COX10: variants seen among roughly 807,000 people sequenced by gnomAD.
The protein encoded by COX10 is cytochrome c oxidase assembly factor heme A:farnesyltransferase COX10.
Under a neutral mutation model 37.3 loss-of-function variants are expected in COX10, and 27 were observed. The observed-to-expected ratio is 0.72, with a 90% CI of 0.53 to 1.00. The LOEUF (loss-of-function observed/expected upper bound fraction) is 1.00. Ranked by LOEUF, COX10 falls within the 50% of genes least tolerant of loss-of-function variation. The probability of loss-of-function intolerance (pLI) is 0.00; values close to 1 mark genes in which losing one functional copy is unlikely to be tolerated. For missense variants in COX10, 475 were observed against 563.2 expected (o/e 0.84, Z 1.59); for synonymous variants, 222 against 229.1 (o/e 0.97, Z 0.28).
chr17:14,194,187 C>T (rs920120652), intron 6 of COX10, among the ~76,000 whole-genome samples: 1 of 152,000 alleles, frequency 6.6e-6, no homozygotes, highest in Non-Finnish European at 1.5e-5. Context: ...TTGGTCACCA[C>T]TGTTGTGCAG....
At chr17:14,117,130 G>A (rs1916132027) in intron 4 of COX10, among the ~76,000 whole-genome samples, 1 of 152,032 alleles carries the variant, frequency 6.6e-6, no homozygotes, top group Non-Finnish European at 1.5e-5. Context: ...GTCCATTTTA[G>A]CATGAAGATA....
chr17:14,141,693 C>T (rs568202385), intron 4 of COX10, among the ~76,000 whole-genome samples: 213 of 151,964 alleles, frequency 1.4e-3, no homozygotes, highest in Non-Finnish European at 2.4e-3. Flanking sequence ...TTTGTAAAGA[C>T]ATTTATTATC....
chr17:14,103,909 C>T (rs1477117783), intron 4 of COX10, among the ~76,000 whole-genome samples: 1 of 152,152 alleles, frequency 6.6e-6, no homozygotes, highest in Non-Finnish European at 1.5e-5. Flanking sequence ...GGGAAAGCCA[C>T]AGAATGCATG....
At chr17:14,195,998 G>C (rs1235510222) in intron 6 of COX10, among the ~76,000 whole-genome samples, 1 of 151,998 alleles carries the variant, frequency 6.6e-6, no homozygotes, top group Non-Finnish European at 1.5e-5. Context: ...CTCTCATCTG[G>C]GTTTTTATCT....
At position 14,170,499 on chromosome 17, in the gene COX10, C is replaced by A. The variant is rs545677978; in HGVS notation, c.695+10552C>A. 2.6e-5 allele frequency among the ~76,000 whole-genome samples: 4 copies of A among 152,258 alleles called. No homozygotes were observed. The East Asian group carries it at 7.7e-4, about 29-fold the overall frequency. ...ATTAATCTTTCCACATTACTGCTTC[C>A]TCATGTGTGAAGAAGAATCTTAATT... On this transcript the variant is annotated intron_variant, in intron 5 of 6. Transcript: ENST00000261643.
chr17:14,138,289 T>C (rs1175382099), intron 4 of COX10, among the ~76,000 whole-genome samples: 1 of 152,196 alleles, frequency 6.6e-6, no homozygotes, highest in Non-Finnish European at 1.5e-5. Flanking sequence ...AAGGGGCTTT[T>C]AGAATATTGT....
chr17:14,091,643 T>C (rs1915530271), intron 3 of COX10, among the ~76,000 whole-genome samples: 1 of 152,174 alleles, frequency 6.6e-6, no homozygotes, highest in African/African-American at 2.4e-5. Context: ...TCTAAGGAAG[T>C]TGATTCTTCT....
intron 4 of COX10, among the ~76,000 whole-genome samples, chr17:14,157,216 C>T (rs148003672): frequency 5.9e-5 from 9 of 152,260 alleles, no homozygotes; most frequent in African/African-American, 1.4e-4. Flanking sequence ...TACAGTTTGC[C>T]GACACCTGCA....
At position 14,162,720 on chromosome 17, in the gene COX10, A is replaced by G. The variant is rs191126232; in HGVS notation, c.695+2773A>G. The stretch of plus-strand genomic sequence containing the variant: ...TCCTTTATGTATTAATGACTGGAAA[A>G]TGTGAAGCAGTTCATATATACTTAT... On this transcript the variant is annotated intron_variant, in intron 5 of 6. Coordinates refer to ENST00000261643, the MANE Select transcript of COX10 (RefSeq NM_001303.4). Among the ~76,000 whole-genome samples, 283 of 152,116 alleles carry G rather than the reference A, an allele frequency of 1.9e-3. 2 individuals carry two copies. Among genetic ancestry groups the G allele is most frequent in the Admixed American group, 8.0e-3 (122 of 15,264 alleles).
At chr17:14,199,515 C>CT (rs1417438305) in intron 6 of COX10, among the ~76,000 whole-genome samples, 3 of 152,262 alleles carry the variant, frequency 2.0e-5, no homozygotes, top group African/African-American at 7.2e-5. Flanking sequence ...ATCTTTCTCT[C>CT]TAAGTGAAAC....
chr17:14,195,030 AG>A (rs1460717604), intron 6 of COX10, among the ~76,000 whole-genome samples: 3 of 152,256 alleles, frequency 2.0e-5, no homozygotes, highest in African/African-American at 7.2e-5. Flanking sequence ...TGGGGCACAC[AG>A]TAACAACATG....
intron 6 of COX10, among the ~76,000 whole-genome samples, chr17:14,195,644 G>A (rs1343956912): frequency 2.0e-5 from 3 of 152,182 alleles, no homozygotes; most frequent in Non-Finnish European, 4.4e-5. Flanking sequence ...GACTGTACCT[G>A]TGGTCTCACT....
intron 1 of COX10, among the ~76,000 whole-genome samples, chr17:14,072,443 A>G (rs1915047949): frequency 6.6e-6 from 1 of 152,004 alleles, no homozygotes; most frequent in Non-Finnish European, 1.5e-5. Flanking sequence ...ATGGTCTCGA[A>G]CTCCTGACCT....
intron 4 of COX10, among the ~76,000 whole-genome samples, chr17:14,115,212 A>G (rs1331252171): frequency 2.0e-5 from 3 of 152,160 alleles, no homozygotes; most frequent in Non-Finnish European, 4.4e-5. Flanking sequence ...CAGATCTGTC[A>G]TTTAAAAATG....
intron 4 of COX10, among the ~76,000 whole-genome samples, chr17:14,151,042 A>G (rs541383794): frequency 1.3e-5 from 2 of 148,286 alleles, no homozygotes; most frequent in South Asian, 4.3e-4. Context: ...TAACATTATG[A>G]AAAACTAATT....
chr17:14,079,810 T>G (rs1285542998), intron 3 of COX10, among the ~76,000 whole-genome samples: 1 of 151,482 alleles, frequency 6.6e-6, no homozygotes, highest in Non-Finnish European at 1.5e-5. Flanking sequence ...GAGCTATGGT[T>G]GTACATTTTC....
At chr17:14,113,360 T>C (rs1235474741) in intron 4 of COX10, among the ~76,000 whole-genome samples, 1 of 152,158 alleles carries the variant, frequency 6.6e-6, no homozygotes, top group East Asian at 1.9e-4. Flanking sequence ...AAACCTGTCA[T>C]TGGGTTGAAC....
intron 4 of COX10, among the ~76,000 whole-genome samples, chr17:14,147,764 G>T (rs554410996): frequency 6.7e-6 from 1 of 149,122 alleles, no homozygotes; most frequent in African/African-American, 2.6e-5. Flanking sequence ...TACCTACTAC[G>T]TACCTATAAA....
chr17:14,082,219 T>A (rs1214806833), intron 3 of COX10, among the ~76,000 whole-genome samples: 1 of 151,978 alleles, frequency 6.6e-6, no homozygotes, highest in Admixed American at 6.6e-5. Context: ...AAATAAATGG[T>A]CAGAGGGAGG....
Sources: allele counts gnomAD v4.1 joint callset (sites outside exome capture counted in the v4.1 genomes callset), GRCh38; gene constraint gnomAD v4.1.1; transcripts MANE v1.5; gene names NCBI Gene and HGNC (gene_info 2026-07-23, HGNC 2026-07-21).